Variants in SVEP1 observed in about 807,000 individuals in gnomAD.
SVEP1 encodes the protein sushi, von Willebrand factor type A, EGF and pentraxin domain containing 1, also known as sushi, von Willebrand factor type A, EGF and pentraxin domain-containing protein 1.
In SVEP1, 164 loss-of-function variants were observed where a neutral mutation model predicts 367.3. The ratio of observed to expected loss-of-function variants is 0.45; its 90% CI spans 0.39 to 0.51. The LOEUF is 0.51. Among genes scored for constraint, SVEP1 ranks in the 20% least tolerant of loss-of-function variants. The pLI, the probability that SVEP1 is intolerant of heterozygous loss-of-function variation, is 0.00. For synonymous variants in SVEP1, 1,666 were observed against 1,611.6 expected (o/e 1.03, Z -0.81); for missense variants, 4,117 against 4,425.3 (o/e 0.93, Z 1.98).
chr9:110,549,770 C>T, intron 2 of SVEP1, 79 bp downstream of exon 2: 5 of 1,542,464 alleles, frequency 3.2e-6, no homozygotes, highest in Admixed American at 3.9e-5. Flanking sequence ...TGATATTACC[C>T]TCCCATGGGT....
At chr9:110,565,187 G>C (rs1182949164) in intron 1 of SVEP1, among the ~76,000 whole-genome samples, 1 of 152,156 alleles carries the variant, frequency 6.6e-6, no homozygotes, top group Non-Finnish European at 1.5e-5. Context: ...AAAAGAATAG[G>C]AATGTTATGA....
At chr9:110,456,299 G>GT (rs1828775475) in intron 21 of SVEP1, among the ~76,000 whole-genome samples, 2 of 152,166 alleles carry the variant, frequency 1.3e-5, no homozygotes, top group South Asian at 4.2e-4. Context: ...AGCAATCTGT[G>GT]TTTTTAACAA....
At chr9:110,432,078 C>T in intron 31 of SVEP1, 44 bp from the exon 32 acceptor site, 1 of 1,551,486 alleles carries the variant, frequency 6.4e-7, no homozygotes, top group Non-Finnish European at 8.7e-7. Context: ...GATTCCTTTT[C>T]CGTATGTATC....
chr9:110,542,624 A>T (rs957864685), intron 3 of SVEP1, among the ~76,000 whole-genome samples: 7 of 152,276 alleles, frequency 4.6e-5, no homozygotes, highest in Admixed American at 3.3e-4. Context: ...TTACAAACTG[A>T]TTTTTGCAGT....
chr9:110,522,320 A>C, intron 3 of SVEP1, among the ~76,000 whole-genome samples: 1 of 152,178 alleles, frequency 6.6e-6, no homozygotes, highest in East Asian at 1.9e-4. Flanking sequence ...AACATTAAAA[A>C]AATTACAATT....
intron 35 of SVEP1, among the ~76,000 whole-genome samples, chr9:110,428,051 A>G (rs1457771917): frequency 1.3e-5 from 2 of 152,132 alleles, no homozygotes; most frequent in African/African-American, 4.8e-5. Context: ...ACCTGTGAAG[A>G]GCAGATTACT....
intron 43 of SVEP1, among the ~76,000 whole-genome samples, chr9:110,381,525 C>A (rs1827436636): frequency 6.6e-6 from 1 of 152,064 alleles, no homozygotes; most frequent in Non-Finnish European, 1.5e-5. Flanking sequence ...ATCCTGAGTT[C>A]TAATTTTTGA....
intron 45 of SVEP1, among the ~76,000 whole-genome samples, chr9:110,376,193 C>T (rs1332051114): frequency 2.0e-5 from 3 of 152,164 alleles, no homozygotes; most frequent in Admixed American, 2.0e-4. Context: ...ATCTGCTGAT[C>T]TCCCAGATGA....
At position 110,379,533 on chromosome 9, in the gene SVEP1, A is replaced by G. The variant is rs1305299839; in HGVS notation, c.10238-16T>C. The G allele has an allele frequency of 6.2e-7, 1 of 1,613,172 alleles. No individual in the cohort carries two copies. Among genetic ancestry groups the G allele is most frequent in the Non-Finnish European group, 8.5e-7 (1 of 1,179,472 alleles). ...CATGAGATTTCTACAGGATAACAAA[A>G]CAACAATTAAGCTTGTGCTATTAAC... is the stretch of plus-strand genomic sequence containing the variant. On this transcript the variant is annotated splice_polypyrimidine_tract_variant and intron_variant, in intron 43 of 47. Transcript: ENST00000374469.
chr9:110,569,545 G>C (rs1830530710), intron 1 of SVEP1, among the ~76,000 whole-genome samples: 1 of 151,672 alleles, frequency 6.6e-6, no homozygotes, highest in South Asian at 2.1e-4. Flanking sequence ...TCAAAATATA[G>C]TTTATATACT....
intron 46 of SVEP1, among the ~76,000 whole-genome samples, chr9:110,371,662 T>C (rs963758196): frequency 6.6e-6 from 1 of 152,150 alleles, no homozygotes; most frequent in Non-Finnish European, 1.5e-5. Context: ...TCTATCTCAG[T>C]AAATGGCAAC....
chr9:110,375,058 A>G (rs1342254602), intron 46 of SVEP1, among the ~76,000 whole-genome samples: 2 of 152,162 alleles, frequency 1.3e-5, no homozygotes, highest in African/African-American at 4.8e-5. Flanking sequence ...AGAGATTAAA[A>G]TAAGTATTAT....
chr9:110,370,342 C>G (rs1201948032), intron 46 of SVEP1, among the ~76,000 whole-genome samples: 2 of 152,092 alleles, frequency 1.3e-5, no homozygotes, highest in African/African-American at 4.8e-5. Context: ...ACCAATCTGA[C>G]ACTTTGAATG....
chr9:110,472,327 G>C lies in SVEP1; in HGVS notation c.2600-4C>G. ...GCTGCACCCCAGCCACCTGGTCCTGGATAGTCGGGGCAGAGACACAAATGA... is the reference window on the plus strand; with the variant it reads ...GCTGCACCCCAGCCACCTGGTCCTGCATAGTCGGGGCAGAGACACAAATGA... On this transcript the variant is annotated splice_polypyrimidine_tract_variant and splice_region_variant and intron_variant, in intron 14 of 47. Transcript: ENST00000374469. 1.3e-6 allele frequency: 2 copies of C among 1,572,848 alleles called. No individual in the cohort carries two copies. The highest frequency in any genetic ancestry group is 1.7e-6 in the Non-Finnish European group (2 of 1,162,698).
chr9:110,509,024 T>A (rs1164995182), intron 5 of SVEP1, among the ~76,000 whole-genome samples: 1 of 152,184 alleles, frequency 6.6e-6, no homozygotes, highest in East Asian at 1.9e-4. Flanking sequence ...ACTGTTCTTA[T>A]AATTAAATCT....
rs1046050183 is a variant in SVEP1 at position 110,450,373 on chromosome 9, T to C, written c.3902-113A>G. On this transcript the variant is annotated intron_variant, in intron 23 of 47. Transcript: ENST00000374469. The stretch of plus-strand genomic sequence containing the variant: ...GCTTCTAGAGGATTGGAATGGAGGC[T>C]GTGGAGCCCATCAAACTGGTTTGAG... 6.4e-5 allele frequency: 69 copies of C among 1,084,950 alleles called. No homozygotes were observed. The African/African-American group carries it at 9.4e-4, about 15-fold the overall frequency. The allele number at this position is 1,084,950 out of a possible 1,614,324, so 67.2% of individuals were successfully genotyped here.
intron 36 of SVEP1, among the ~76,000 whole-genome samples, chr9:110,426,886 C>A (rs1311194808): frequency 6.6e-6 from 1 of 152,128 alleles, no homozygotes; most frequent in Admixed American, 6.5e-5. Flanking sequence ...AATGTAAAAA[C>A]CTGAACTTTA....
At chr9:110,404,194 C>T in intron 39 of SVEP1, 133 bp downstream of exon 39, 2 of 855,374 alleles carry the variant, frequency 2.3e-6, no homozygotes, top group African/African-American at 1.7e-5. Flanking sequence ...TACCAAGAAA[C>T]TTTTCAAATC....
At chr9:110,370,993 T>C (rs941299091) in intron 46 of SVEP1, among the ~76,000 whole-genome samples, 1 of 152,180 alleles carries the variant, frequency 6.6e-6, no homozygotes, top group Non-Finnish European at 1.5e-5. Flanking sequence ...ATTCATAAAA[T>C]ATGGAGAAAA....
Sources: gnomAD v4.1 joint callset for allele counts (sites outside exome capture counted in the v4.1 genomes callset) on GRCh38, gnomAD v4.1.1 for gene constraint, MANE v1.5 for transcripts, NCBI Gene and HGNC (gene_info 2026-07-23, HGNC 2026-07-21) for gene names.